GIT1: variants seen among roughly 807,000 people sequenced by gnomAD.
The protein encoded by GIT1 is ARF GTPase-activating protein GIT1.
In GIT1, 14 loss-of-function variants were observed where a neutral mutation model predicts 91.7. The observed-to-expected ratio is 0.15, with a 90% CI of 0.10 to 0.24. The LOEUF is 0.24. Among genes scored for constraint, GIT1 ranks in the 10% least tolerant of loss-of-function variants. The pLI is 1.00. For synonymous variants in GIT1, 414 were observed against 418.2 expected (o/e 0.99, Z 0.12); for missense variants, 717 against 1,024.9 (o/e 0.70, Z 4.10).
In GIT1 at chr17:29,575,554, TCA is replaced by T. The variant is rs926261147; in HGVS notation, c.1826+74_1826+75del. The stretch of plus-strand genomic sequence containing the variant: ...GCCTCGGAGCCGCCCGCCTTGGTCC[TCA>T]CACACTGGGGGCCCTCTCAACCTCC... On this transcript the variant is annotated intron_variant, in intron 17 of 19. Coordinates refer to ENST00000225394, the MANE Select transcript of GIT1 (RefSeq NM_014030.4). The surrounding 1 kb of genome is among the most constrained non-coding windows in gnomAD (Gnocchi z 5.5). 6.4e-7 allele frequency: 1 copy of T among 1,560,542 alleles called. No individual in the cohort carries two copies. Among genetic ancestry groups the T allele is most frequent in the East Asian group, 2.3e-5 (1 of 44,362 alleles).
In GIT1 at chr17:29,585,827, G is replaced by A. The variant is rs1046766919; in HGVS notation, c.53-2211C>T. Among the ~76,000 whole-genome samples, 12 of 152,198 alleles carry A rather than the reference G, an allele frequency of 7.9e-5. No homozygotes were observed. The East Asian group carries it at 1.3e-3, about 17-fold the overall frequency. ...AAGGACAGGAACTGTAAGGGAACTCGTCAGCCCTCCCCCTGCGCTTCTGGC... is the reference window on the plus strand; with the variant it reads ...AAGGACAGGAACTGTAAGGGAACTCATCAGCCCTCCCCCTGCGCTTCTGGC... On this transcript the variant is annotated intron_variant, in intron 1 of 19. Coordinates refer to ENST00000225394, the MANE Select transcript of GIT1 (RefSeq NM_014030.4).
intron 1 of GIT1, among the ~76,000 whole-genome samples, chr17:29,586,205 C>T (rs1014060874): frequency 3.3e-5 from 5 of 152,210 alleles, no homozygotes. Flanking sequence ...CTATAACATG[C>T]TTGTCTAACC....
At chr17:29,579,699 G>A (rs1451653495) in intron 7 of GIT1, among the ~76,000 whole-genome samples, 5 of 151,904 alleles carry the variant, frequency 3.3e-5, no homozygotes, top group Non-Finnish European at 7.4e-5. Flanking sequence ...CTCCAGCCTG[G>A]GCAACAGAGC....
Position 29,581,855 on chromosome 17 carries a change from G to A in GIT1, c.624-19C>T. The A allele has an allele frequency of 6.2e-7, 1 of 1,610,992 alleles. No individual in the cohort carries two copies. Among genetic ancestry groups the A allele is most frequent in the Non-Finnish European group, 8.5e-7 (1 of 1,178,550 alleles). ...CGCCTGCCTGTGAGGAGGGGGTATGGCTCAGACCTGCAGCAGCAGCCCTCA... is the reference window on the plus strand; with the variant it reads ...CGCCTGCCTGTGAGGAGGGGGTATGACTCAGACCTGCAGCAGCAGCCCTCA... On this transcript the variant is annotated intron_variant, in intron 5 of 19. Coordinates refer to ENST00000225394, the MANE Select transcript of GIT1 (RefSeq NM_014030.4). This position sits in a 1 kb window ranked among gnomAD's most constrained non-coding sequence, Gnocchi z 4.8.
Position 29,589,475 on chromosome 17 carries a change from T to TCCGGCGAGGCC in GIT1, c.-108_-98dup, listed in dbSNP as rs932255653. 5 of 371,486 alleles carry TCCGGCGAGGCC rather than the reference T, an allele frequency of 1.3e-5. No individual in the cohort carries two copies. Among genetic ancestry groups the TCCGGCGAGGCC allele is most frequent in the South Asian group, 1.0e-4 (1 of 9,850 alleles). 23.0% of individuals were successfully genotyped at this position (371,486 alleles called of 1,614,324 possible). ...GGCGGCCCCTGCTGCCCGGCCCGGCTCCGGCGAGGCCCCGGCGAGGCTCCG... is the reference window on the plus strand; with the variant it reads ...GGCGGCCCCTGCTGCCCGGCCCGGCTCCGGCGAGGCCCCGGCGAGGCCCCGGCGAGGCTCCG... On this transcript the variant is annotated 5_prime_UTR_variant, in exon 1 of 20. Transcript: ENST00000225394. The surrounding 1 kb of genome is among the most constrained non-coding windows in gnomAD (Gnocchi z 5.2).
At chr17:29,588,526 G>A (rs1451383114) in intron 1 of GIT1, among the ~76,000 whole-genome samples, 2 of 152,210 alleles carry the variant, frequency 1.3e-5, no homozygotes, top group Non-Finnish European at 2.9e-5. Flanking sequence ...GGGGAATCTC[G>A]GCACGGCCTC....
chr17:29,582,877 G>A (rs1471071700), intron 3 of GIT1, 48 bp downstream of exon 3: 1 of 1,552,308 alleles, frequency 6.4e-7, no homozygotes, highest in South Asian at 1.1e-5. Context: ...CCAGGGCCCT[G>A]TCCCGGACTG....
chr17:29,577,592 G>A (rs2033257484), intron 10 of GIT1, 53 bp downstream of exon 10: 1 of 1,159,550 alleles, frequency 8.6e-7, no homozygotes, highest in Non-Finnish European at 1.3e-6. Context: ...CGGATGAGGA[G>A]GGACCGCGGG....
chr17:29,579,354 C>A, intron 7 of GIT1: 1 of 309,826 alleles, frequency 3.2e-6, no homozygotes, highest in South Asian at 4.8e-5. Context: ...ACCCAGCAGC[C>A]AGGGTGATTT....
chr17:29,588,701 C>T (rs908910368), intron 1 of GIT1, among the ~76,000 whole-genome samples: 17 of 152,320 alleles, frequency 1.1e-4, no homozygotes, highest in African/African-American at 4.1e-4. Context: ...GGATGCCTCC[C>T]GAGAAGACAC....
In GIT1 at chr17:29,576,922, C is replaced by T. The variant is rs1235733839; in HGVS notation, c.1168G>A (p.Glu390Lys). 6 of 1,584,972 alleles carry T rather than the reference C, an allele frequency of 3.8e-6. No homozygotes were observed. Among genetic ancestry groups the T allele is most frequent in the Non-Finnish European group, 5.1e-6 (6 of 1,168,450 alleles). Residue 390 changes from glutamate (E) to lysine (K), a missense_variant, in exon 12 of 20, where the codon GAG becomes AAG. By Grantham distance (56) the Glu-to-Lys change is moderately conservative. Around this residue, in one of 3 missense-constraint regions of GIT1, gnomAD observed 312 missense variants for 349.5 expected, o/e 0.89. Coordinates refer to ENST00000225394, the MANE Select transcript of GIT1 (RefSeq NM_014030.4). Reference protein sequence around the residue: ...QHDYDSVASDEDTDQEPLRST... With the variant: ...QHDYDSVASDKDTDQEPLRST... ...CGCAGGGGCTCCTGGTCTGTGTCCT[C>T]GTCAGAGGCCACGCTGTCGTAGTCG... is the stretch of plus-strand genomic sequence containing the variant.
rs578011743 is a variant in GIT1 at position 29,581,697 on chromosome 17, C to A, written c.718+45G>T. 1 of 1,504,630 alleles carries A rather than the reference C, an allele frequency of 6.6e-7. No homozygotes were observed. Among genetic ancestry groups the A allele is most frequent in the South Asian group, 1.1e-5 (1 of 88,666 alleles). The allele number at this position is 1,504,630 out of a possible 1,614,324, so 93.2% of individuals were successfully genotyped here. ...GCGTCCAGGTCCCACCTGCCCAGCC[C>A]CAGCCAGGCCTGTCACAGCCAGGCG... On this transcript the variant is annotated intron_variant, in intron 6 of 19. Coordinates refer to ENST00000225394, the MANE Select transcript of GIT1 (RefSeq NM_014030.4). This position sits in a 1 kb window ranked among gnomAD's most constrained non-coding sequence, Gnocchi z 4.8.
chr17:29,585,143 G>A (rs1419158090), intron 1 of GIT1, among the ~76,000 whole-genome samples: 1 of 151,910 alleles, frequency 6.6e-6, no homozygotes, highest in African/African-American at 2.4e-5. Flanking sequence ...AGCCTTCTTC[G>A]CCAAGAGGGG....
Position 29,589,604 on chromosome 17 carries a change from TCGCGGCTCCTCTCTCCGCCCCCTG to T in GIT1, c.-250_-227del, listed in dbSNP as rs2033740991. On this transcript the variant is annotated 5_prime_UTR_variant, in exon 1 of 20. Transcript: ENST00000225394. This position sits in a 1 kb window ranked among gnomAD's most constrained non-coding sequence, Gnocchi z 5.2. ...CCGCCCCGCGCCGCCCCGCCGCCGC[TCGCGGCTCCTCTCTCCGCCCCCTG>T]CGCGGCTCCCGGCCGCTTCTGCAGG... 6.8e-6 allele frequency: 1 copy of T among 147,598 alleles called. No homozygotes were observed. The highest frequency in any genetic ancestry group is 1.5e-5 in the Non-Finnish European group (1 of 66,424). The allele number at this position is 147,598 out of a possible 1,614,324, so 9.1% of individuals were successfully genotyped here.
Position 29,581,704 on chromosome 17 carries a change from G to A in GIT1, c.718+38C>T, listed in dbSNP as rs1301435476. ...GGTCCCACCTGCCCAGCCCCAGCCA[G>A]GCCTGTCACAGCCAGGCGCCCCCCA... On this transcript the variant is annotated intron_variant, in intron 6 of 19. Coordinates refer to ENST00000225394, the MANE Select transcript of GIT1 (RefSeq NM_014030.4). This position sits in a 1 kb window ranked among gnomAD's most constrained non-coding sequence, Gnocchi z 4.8. 1 of 1,519,678 alleles carries A rather than the reference G, an allele frequency of 6.6e-7. No homozygotes were observed. The highest frequency in any genetic ancestry group is 9.1e-7 in the Non-Finnish European group (1 of 1,103,098). The allele number at this position is 1,519,678 out of a possible 1,614,324, so 94.1% of individuals were successfully genotyped here.
At chr17:29,577,602 G>T in intron 10 of GIT1, 43 bp downstream of exon 10, 3 of 1,276,926 alleles carry the variant, frequency 2.3e-6, no homozygotes, top group Non-Finnish European at 3.4e-6. Context: ...GGGACCGCGG[G>T]GATGAAGTAG....
intron 1 of GIT1, among the ~76,000 whole-genome samples, chr17:29,587,133 G>A (rs571918228): frequency 2.6e-5 from 4 of 152,152 alleles, no homozygotes; most frequent in Non-Finnish European, 4.4e-5. Context: ...GGGGTGGAGC[G>A]ATACACCATG....
In GIT1 at chr17:29,576,207, A is replaced by G. The variant is rs1337170475; in HGVS notation, c.1611+13T>C. On this transcript the variant is annotated intron_variant, in intron 14 of 19. Transcript: ENST00000225394. ...CCCATCTCCCCACACCTTGAGACCC[A>G]TAGGTGACTCACAGTGCTGTGGAAA... The G allele has an allele frequency of 6.2e-7, 1 of 1,604,832 alleles. No individual in the cohort carries two copies. Among genetic ancestry groups the G allele is most frequent in the Non-Finnish European group, 8.5e-7 (1 of 1,172,702 alleles).
At chr17:29,583,715 TTCAC>T (rs1426673730) in intron 1 of GIT1, 99 bp from the exon 2 acceptor site, 4 of 1,301,598 alleles carry the variant, frequency 3.1e-6, no homozygotes, top group Admixed American at 2.3e-5. Context: ...TCTCCACACA[TTCAC>T]TCACTCAGTC....
Sources: gnomAD v4.1 joint callset for allele counts (sites outside exome capture counted in the v4.1 genomes callset) on GRCh38, gnomAD v4.1.1 for gene constraint, gnomAD v4.1.1 regional missense constraint, Gnocchi (gnomAD v3.1) non-coding constraint, MANE v1.5 for transcripts, NCBI Gene and HGNC (gene_info 2026-07-23, HGNC 2026-07-21) for gene names.